The following LTF variants were observed in gnomAD, a reference collection of about 807,000 sequenced individuals.
LTF encodes the protein epididymis luminal protein 110.
Under a neutral mutation model 87.2 loss-of-function variants are expected in LTF, and 91 were observed. The observed-to-expected ratio is 1.04, with a 90% confidence interval of 0.88 to 1.24. LTF has a LOEUF of 1.24. Ranked by LOEUF, LTF falls within the 50% of genes most tolerant of loss-of-function variation. LTF has a pLI of 0.00. For synonymous variants in LTF, 378 were observed against 356.1 expected (o/e 1.06, Z -0.69); for missense variants, 901 against 904.3 (o/e 1.00, Z 0.05).
chr3:46,454,845 A>G (rs1702887209), intron 5 of LTF, among the ~76,000 whole-genome samples: 1 of 152,198 alleles, frequency 6.6e-6, no homozygotes, highest in Non-Finnish European at 1.5e-5. Flanking sequence ...ACTGTCCTTC[A>G]GCCACGGGGA....
chr3:46,438,531 A>G (rs1448755585), intron 15 of LTF, among the ~76,000 whole-genome samples: 1 of 152,216 alleles, frequency 6.6e-6, no homozygotes, highest in African/African-American at 2.4e-5. Context: ...AGGAAAACCC[A>G]GGCTCAGCCA....
Position 46,435,849 on chromosome 3 carries a change from G to T in LTF, c.*346C>A. 1 of 316,574 alleles carries T rather than the reference G, an allele frequency of 3.2e-6. No homozygotes were observed. The highest frequency in any genetic ancestry group is 3.8e-5 in the South Asian group (1 of 26,642). 19.6% of individuals were successfully genotyped at this position (316,574 alleles called of 1,614,324 possible). On this transcript the variant is annotated 3_prime_UTR_variant, in exon 17 of 17. Coordinates refer to ENST00000231751, the MANE Select transcript of LTF (RefSeq NM_002343.6). Reference sequence around the variant, plus strand: ...CTTAGGAAAACCGGTGCTTGGCCTGGCCTTAAATTCCAGACCCTTGGGCAT... The same window carrying T: ...CTTAGGAAAACCGGTGCTTGGCCTGTCCTTAAATTCCAGACCCTTGGGCAT...
chr3:46,441,411 C>A lies in LTF; in HGVS notation c.1723+5G>T, dbSNP rs781539038. On this transcript the variant is annotated splice_donor_5th_base_variant and intron_variant, in intron 14 of 16. Transcript: ENST00000231751. ...TGAAGGAGAAAAGGAAACACCTTCA[C>A]CTACCATCAGTGTTCTGCAAGACAG... 6.2e-7 allele frequency: 1 copy of A among 1,610,382 alleles called. No individual in the cohort carries two copies. Among genetic ancestry groups the A allele is most frequent in the Non-Finnish European group, 8.5e-7 (1 of 1,177,826 alleles).
At chr3:46,450,808 G>T (rs1334039982) in intron 6 of LTF, 135 bp from the exon 7 acceptor site, 1 of 737,296 alleles carries the variant, frequency 1.4e-6, no homozygotes, top group African/African-American at 1.7e-5. Context: ...AGAAAGGCAG[G>T]GGTTTGCTCC....
At chr3:46,456,162 C>G in intron 3 of LTF, 128 bp downstream of exon 3, 1 of 931,272 alleles carries the variant, frequency 1.1e-6, no homozygotes, top group South Asian at 1.6e-5. Flanking sequence ...CAGAGCCCAG[C>G]GACTCCATTC....
chr3:46,460,002 C>T (rs1160353659), intron 1 of LTF, among the ~76,000 whole-genome samples, 183 bp from the exon 2 acceptor site: 6 of 152,218 alleles, frequency 3.9e-5, no homozygotes, highest in Non-Finnish European at 1.5e-5. Flanking sequence ...AATAGGATCT[C>T]TGCATTGGCT....
At chr3:46,464,625 G>A (rs1575324530) in intron 1 of LTF, among the ~76,000 whole-genome samples, 200 bp downstream of exon 1, 5 of 152,318 alleles carry the variant, frequency 3.3e-5, no homozygotes, top group Admixed American at 3.3e-4. Context: ...GATCCGGCTT[G>A]AGGAGCCCAG....
At chr3:46,462,542 A>G (rs985541134) in intron 1 of LTF, among the ~76,000 whole-genome samples, 5 of 152,150 alleles carry the variant, frequency 3.3e-5, no homozygotes, top group African/African-American at 1.2e-4. Context: ...TAGCCTGCCT[A>G]TTTAGGTTGG....
chr3:46,446,437 C>T lies in LTF; in HGVS notation c.1357+3G>A. 6.2e-7 allele frequency: 1 copy of T among 1,612,460 alleles called. No individual in the cohort carries two copies. Among genetic ancestry groups the T allele is most frequent in the East Asian group, 2.2e-5 (1 of 44,864 alleles). ...ACCCTGAAAGTGGCTAATGCCAACT[C>T]ACCTTCCACAGGTCTATCCACACAG... On this transcript the variant is annotated splice_donor_region_variant and intron_variant, in intron 11 of 16. Transcript: ENST00000231751.
chr3:46,461,149 CA>C (rs1355673468), intron 1 of LTF, among the ~76,000 whole-genome samples: 1 of 152,148 alleles, frequency 6.6e-6, no homozygotes, highest in African/African-American at 2.4e-5. Context: ...CTAAAACAGA[CA>C]ATGACACATA....
intron 16 of LTF, among the ~76,000 whole-genome samples, chr3:46,436,894 C>T (rs1487576507): frequency 2.0e-5 from 3 of 152,250 alleles, no homozygotes; most frequent in Non-Finnish European, 4.4e-5. Flanking sequence ...TGTTTAGTAG[C>T]ATCCCTGGCC....
At chr3:46,455,738 T>G in intron 4 of LTF, 58 bp downstream of exon 4, 1 of 1,507,950 alleles carries the variant, frequency 6.6e-7, no homozygotes, top group Non-Finnish European at 8.9e-7. Flanking sequence ...TGGCCTGTGC[T>G]TACAACTGGA....
At chr3:46,469,946 C>G (rs1245614541) in intron 2 of LTF, among the ~76,000 whole-genome samples, 1 of 152,190 alleles carries the variant, frequency 6.6e-6, no homozygotes, top group Non-Finnish European at 1.5e-5. Flanking sequence ...CAGCCCTCTT[C>G]TTCCTCTTCC....
At chr3:46,466,347 T>A (rs995368594), upstream of LTF, among the ~76,000 whole-genome samples, 1 of 152,200 alleles carries the variant, frequency 6.6e-6, no homozygotes, top group Non-Finnish European at 1.5e-5. Context: ...CTGACCAATA[T>A]GTGACTCTGA....
At chr3:46,438,435 A>G (rs1353018604) in intron 15 of LTF, among the ~76,000 whole-genome samples, 1 of 152,244 alleles carries the variant, frequency 6.6e-6, no homozygotes, top group Non-Finnish European at 1.5e-5. Context: ...TGACAAGGCA[A>G]CAATGGAGGG....
chr3:46,446,424 G>T lies in LTF; in HGVS notation c.1357+16C>A. 1.2e-6 allele frequency: 2 copies of T among 1,608,238 alleles called. No individual in the cohort carries two copies. The highest frequency in any genetic ancestry group is 1.7e-6 in the Non-Finnish European group (2 of 1,175,750). On this transcript the variant is annotated intron_variant, in intron 11 of 16. Transcript: ENST00000231751. ...GAACTTATCCTTGACCCTGAAAGTG[G>T]CTAATGCCAACTCACCTTCCACAGG...
At chr3:46,483,672 G>A (rs1412563290) in intron 1 of LTF, among the ~76,000 whole-genome samples, 1 of 152,086 alleles carries the variant, frequency 6.6e-6, no homozygotes, top group East Asian at 1.9e-4. Context: ...GGGTGGAAAT[G>A]TTTCTATTCC....
At chr3:46,479,125 G>A (rs1445947915) in intron 1 of LTF, among the ~76,000 whole-genome samples, 1 of 152,256 alleles carries the variant, frequency 6.6e-6, no homozygotes, top group Non-Finnish European at 1.5e-5. Context: ...CACGGTAACA[G>A]AAGAAGCATG....
intron 15 of LTF, 57 bp downstream of exon 15, chr3:46,439,239 C>T (rs1390599611): frequency 6.6e-7 from 1 of 1,510,624 alleles, no homozygotes. Flanking sequence ...CTGTGATCTC[C>T]TCACCTAACA....
Sources: gnomAD v4.1 joint callset for allele counts (sites outside exome capture counted in the v4.1 genomes callset) on GRCh38, gnomAD v4.1.1 for gene constraint, MANE v1.5 for transcripts, NCBI Gene and HGNC (gene_info 2026-07-23, HGNC 2026-07-21) for gene names.